PDE10A: variants seen among roughly 807,000 people sequenced by gnomAD.
PDE10A encodes cAMP and cAMP-inhibited cGMP 3',5'-cyclic phosphodiesterase 10A.
PDE10A carries 39 observed loss-of-function variants against 97.7 expected under a neutral mutation model. The observed-to-expected ratio is 0.40, with a 90% CI of 0.31 to 0.52. PDE10A has a LOEUF of 0.52. Among genes scored for constraint, PDE10A ranks in the 20% least tolerant of loss-of-function variants. PDE10A has a pLI of 0.56. For synonymous variants in PDE10A, 371 were observed against 376.8 expected, an observed-to-expected ratio of 0.98 and a Z score of 0.18; for missense variants, 731 against 1,047.8, an observed-to-expected ratio of 0.70 and a Z score of 4.17.
At chr6:165,368,005 T>C (rs1466267833) in intron 18 of PDE10A, among the ~76,000 whole-genome samples, 3 of 152,196 alleles carry the variant, frequency 2.0e-5, no homozygotes, top group African/African-American at 7.2e-5. Context: ...ATTCTTTTCT[T>C]GTTTTTTTGA....
chr6:165,619,344 C>CTAGTATAGTG (rs1562634460), intron 1 of PDE10A, among the ~76,000 whole-genome samples: 2 of 121,874 alleles, frequency 1.6e-5, no homozygotes, highest in Middle Eastern at 6.3e-3. Context: ...GTAGTGTAGT[C>CTAGTATAGTG]TAGTGTAGTG....
chr6:165,628,146 C>G lies in PDE10A; in HGVS notation c.865+33801G>C, dbSNP rs151278335. The stretch of plus-strand genomic sequence containing the variant: ...ATAATGCACAGTACAACTCCAGGAT[C>G]GGCTTGCCTGGGTTTTGAAATTCGG... On this transcript the variant is annotated intron_variant, in intron 1 of 21. Coordinates refer to ENST00000539869, the MANE Select transcript of PDE10A (RefSeq NM_001385079.1). Among the ~76,000 whole-genome samples the G allele has an allele frequency of 5.1e-3, 774 of 152,322 alleles. 6 individuals carry two copies. The highest frequency in any genetic ancestry group is 0.018 in the African/African-American group (738 of 41,568).
At chr6:165,847,001 A>G (rs1780439354) in intron 1 of PDE10A, among the ~76,000 whole-genome samples, 1 of 152,038 alleles carries the variant, frequency 6.6e-6, no homozygotes, top group African/African-American at 2.4e-5. Context: ...GGGTGGGACA[A>G]CTCCTGCAAG....
chr6:165,446,465 TAAC>T (rs1224731843), intron 5 of PDE10A, among the ~76,000 whole-genome samples: 3 of 152,098 alleles, frequency 2.0e-5, no homozygotes, highest in Non-Finnish European at 4.4e-5. Flanking sequence ...GTCAAGGAAA[TAAC>T]AAGGCCTTAG....
chr6:165,594,992 G>T (rs139542068), intron 1 of PDE10A, among the ~76,000 whole-genome samples: 88 of 152,348 alleles, frequency 5.8e-4, no homozygotes, highest in African/African-American at 2.0e-3. Context: ...GAAGTTCAGA[G>T]AAGTAACTTT....
intron 1 of PDE10A, among the ~76,000 whole-genome samples, chr6:165,553,881 A>T (rs1383521102): frequency 1.3e-5 from 2 of 152,178 alleles, no homozygotes; most frequent in Non-Finnish European, 2.9e-5. Flanking sequence ...GTAAGCTTAA[A>T]CCCACCAAAA....
chr6:165,336,572 A>G (rs1221293588), intron 20 of PDE10A, among the ~76,000 whole-genome samples: 1 of 151,338 alleles, frequency 6.6e-6, no homozygotes, highest in Non-Finnish European at 1.5e-5. Flanking sequence ...ACAAGGTGAA[A>G]CCCCGTCTCT....
rs762377587 is a variant in PDE10A at position 165,705,725 on chromosome 6, CA to C, written c.-614-162158del. 1.4e-4 allele frequency among the ~76,000 whole-genome samples: 22 copies of C among 152,078 alleles called. 1 individual carries two copies. The highest frequency in any genetic ancestry group is 3.1e-4 in the Non-Finnish European group (21 of 68,006). On this transcript the variant is annotated intron_variant, in intron 1 of 19. Transcript: ENST00000366882. ...GATAAAAGATAATTTTGATAAAAGG[CA>C]GAATATGAATCTATTTTTAAAAAAA...
intron 1 of PDE10A, among the ~76,000 whole-genome samples, chr6:165,749,351 T>TATCACCATCACCATCATCACC (rs1792931570): frequency 3.6e-5 from 1 of 27,462 alleles, no homozygotes; most frequent in African/African-American, 1.4e-4. Context: ...CCACCACCAT[T>TATCACCATCACCATCATCACC]ATCACCATCA....
chr6:165,823,457 G>A (rs930686225), intron 1 of PDE10A, among the ~76,000 whole-genome samples: 2 of 114,124 alleles, frequency 1.8e-5, no homozygotes, highest in Non-Finnish European at 3.6e-5. Flanking sequence ...TCTGGATACC[G>A]CCTGGGGCTG....
chr6:165,980,337 T>C (rs1285500682), intron 1 of PDE10A, among the ~76,000 whole-genome samples: 2 of 152,200 alleles, frequency 1.3e-5, no homozygotes, highest in Admixed American at 1.3e-4. Context: ...ATCTAGGAAT[T>C]TACCAACATA....
At chr6:165,350,340 T>C (rs1226631429) in intron 18 of PDE10A, among the ~76,000 whole-genome samples, 2 of 152,164 alleles carry the variant, frequency 1.3e-5, no homozygotes, top group African/African-American at 4.8e-5. Context: ...CTACTGGATT[T>C]TGGATTTGTA....
intron 1 of PDE10A, among the ~76,000 whole-genome samples, chr6:165,602,223 A>G (rs1786990408): frequency 2.0e-5 from 3 of 152,166 alleles, no homozygotes; most frequent in Admixed American, 2.0e-4. Flanking sequence ...ACAGGAAACA[A>G]GCCCCGCTGA....
rs184082320 is a variant in PDE10A at position 165,659,390 on chromosome 6, C to A, written c.865+2557G>T. 4.9e-3 allele frequency among the ~76,000 whole-genome samples: 742 copies of A among 152,142 alleles called. 3 individuals carry two copies. The highest frequency in any genetic ancestry group is 8.8e-3 in the Non-Finnish European group (599 of 68,004). ...TTTTTCAAAAGACTGATTTTTTAAA[C>A]GATACATATCAGAAAAATCTGTCAA... is the stretch of plus-strand genomic sequence containing the variant. On this transcript the variant is annotated intron_variant, in intron 1 of 21. Coordinates refer to ENST00000539869, the MANE Select transcript of PDE10A (RefSeq NM_001385079.1).
At chr6:165,687,414 C>T (rs60345306) in intron 1 of PDE10A, among the ~76,000 whole-genome samples, 15,011 of 152,240 alleles carry the variant, frequency 0.099, 1,064 homozygotes, top group East Asian at 0.28. Context: ...TGCAGAGTCG[C>T]AACATTGAGA....
chr6:165,568,722 G>A (rs2128342967), intron 1 of PDE10A, among the ~76,000 whole-genome samples: 1 of 152,282 alleles, frequency 6.6e-6, no homozygotes, highest in Middle Eastern at 3.4e-3. Context: ...GTTCCTTTAA[G>A]TTAAAGGGTG....
chr6:165,927,175 C>G (rs985546058), intron 1 of PDE10A, among the ~76,000 whole-genome samples: 3 of 152,010 alleles, frequency 2.0e-5, no homozygotes, highest in Admixed American at 1.3e-4. Context: ...ATGTAACAAA[C>G]CTGCACGTCT....
chr6:165,782,929 T>C (rs188876550), intron 1 of PDE10A, among the ~76,000 whole-genome samples: 2 of 152,324 alleles, frequency 1.3e-5, no homozygotes, highest in African/African-American at 2.4e-5. Context: ...AAGCCACCTA[T>C]GCACAAATAC....
intron 1 of PDE10A, among the ~76,000 whole-genome samples, chr6:165,622,915 G>C (rs1429252407): frequency 6.6e-6 from 1 of 152,106 alleles, no homozygotes; most frequent in Non-Finnish European, 1.5e-5. Flanking sequence ...CTTCATGATA[G>C]TGAGTTCTAG....
Sources: gnomAD v4.1 joint callset for allele counts (sites outside exome capture counted in the v4.1 genomes callset) on GRCh38, gnomAD v4.1.1 for gene constraint, MANE v1.5 for transcripts, NCBI Gene and HGNC (gene_info 2026-07-23, HGNC 2026-07-21) for gene names.